Variants in MALRD1 observed in about 807,000 individuals in gnomAD.
MALRD1 encodes MAM and LDL receptor class A domain containing 1, also known as MAM and LDL-receptor class A domain-containing protein 1.
Under a neutral mutation model 242.1 loss-of-function variants are expected in MALRD1, and 247 were observed. That is an observed-to-expected ratio of 1.02 (90% CI 0.92 to 1.13). MALRD1 has a LOEUF of 1.13. Ranked by LOEUF, MALRD1 falls within the 50% of genes most tolerant of loss-of-function variation. The probability of loss-of-function intolerance (pLI) is 0.00; values close to 1 mark genes in which losing one functional copy is unlikely to be tolerated. For synonymous variants in MALRD1, 995 were observed against 866.6 expected, an observed-to-expected ratio of 1.15 and a Z score of -2.60; for missense variants, 2,989 against 2,533.1, an observed-to-expected ratio of 1.18 and a Z score of -3.86.
chr10:19,719,201 T>TATATACACAC (rs1564567226), intron 38 of MALRD1, among the ~76,000 whole-genome samples: 2 of 95,900 alleles, frequency 2.1e-5, no homozygotes, highest in African/African-American at 1.0e-4. Context: ...CATACATATA[T>TATATACACAC]ATATATATAT....
At position 19,155,083 on chromosome 10, in the gene MALRD1, A is replaced by C. The variant is rs577003982; in HGVS notation, c.1567A>C (p.Ile523Leu). Residue 523 changes from isoleucine (I) to leucine (L), a missense_variant, in exon 12 of 40, where the codon ATT becomes CTT. By Grantham distance (5) the Ile-to-Leu change is conservative. Transcript: ENST00000454679. ...HTANINHGSF[I>L]YLEAQRSPGV... ...TCCCTTTGTTTTTTCAGGATCGTTT[A>C]TTTATTTGGAGGCACAGCGCTCCCC... is the stretch of plus-strand genomic sequence containing the variant. The C allele has an allele frequency of 1.2e-4, 142 of 1,231,382 alleles. No individual in the cohort carries two copies. In the African/African-American group the frequency reaches 1.7e-3, roughly 15 times the overall value. 76.3% of individuals were successfully genotyped at this position (1,231,382 alleles called of 1,614,324 possible). A position where few individuals can be genotyped will look rare whatever the true frequency, so the allele number is the denominator to read the frequency against.
intron 18 of MALRD1, among the ~76,000 whole-genome samples, chr10:19,237,853 TTA>T (rs1195034389): frequency 3.1e-5 from 4 of 127,100 alleles, no homozygotes; most frequent in Non-Finnish European, 6.2e-5. Flanking sequence ...AATTATATAG[TTA>T]TATATAATTA....
intron 18 of MALRD1, among the ~76,000 whole-genome samples, chr10:19,251,445 C>T (rs1451364445): frequency 5.9e-5 from 9 of 151,918 alleles, no homozygotes; most frequent in Admixed American, 5.9e-4. Flanking sequence ...TATTCCTCTC[C>T]TATGGTGTGA....
intron 29 of MALRD1, among the ~76,000 whole-genome samples, chr10:19,476,960 A>G (rs543872382): frequency 6.6e-6 from 1 of 152,136 alleles, no homozygotes; most frequent in East Asian, 1.9e-4. Context: ...GAAAAACACT[A>G]ATGTTTTCAT....
intron 12 of MALRD1, among the ~76,000 whole-genome samples, chr10:19,155,565 A>G (rs1475305083): frequency 1.3e-5 from 2 of 152,226 alleles, no homozygotes; most frequent in Non-Finnish European, 2.9e-5. Context: ...AGTTTTTTAA[A>G]TGAGTCCTCT....
chr10:19,578,532 A>G (rs1836942602), intron 33 of MALRD1, among the ~76,000 whole-genome samples: 1 of 152,138 alleles, frequency 6.6e-6, no homozygotes, highest in Non-Finnish European at 1.5e-5. Context: ...TCTCTACTAA[A>G]AATACAAAAA....
At chr10:19,628,416 G>A (rs921953095) in intron 36 of MALRD1, among the ~76,000 whole-genome samples, 1 of 152,132 alleles carries the variant, frequency 6.6e-6, no homozygotes, top group Non-Finnish European at 1.5e-5. Flanking sequence ...TCCAAATAGT[G>A]TCATGGAATA....
chr10:19,387,899 A>G, intron 27 of MALRD1, 126 bp downstream of exon 27: 1 of 1,210,388 alleles, frequency 8.3e-7, no homozygotes, highest in African/African-American at 1.5e-5. Context: ...GCGATCAAAC[A>G]TTTAGTGAGT....
At chr10:19,528,522 G>A (rs1482332924) in intron 31 of MALRD1, among the ~76,000 whole-genome samples, 1 of 152,108 alleles carries the variant, frequency 6.6e-6, no homozygotes, top group African/African-American at 2.4e-5. Flanking sequence ...GAACCCGGGA[G>A]GCAGAGGTTG....
intron 36 of MALRD1, among the ~76,000 whole-genome samples, chr10:19,625,778 G>A (rs551315394): frequency 5.3e-5 from 8 of 152,222 alleles, no homozygotes; most frequent in African/African-American, 1.9e-4. Context: ...GTGTATCTAA[G>A]TGGGAGCCAC....
At chr10:19,648,081 G>T (rs1840725088) in intron 36 of MALRD1, among the ~76,000 whole-genome samples, 1 of 152,156 alleles carries the variant, frequency 6.6e-6, no homozygotes, top group African/African-American at 2.4e-5. Context: ...GCAGAAGAGA[G>T]GCCTAGAAGA....
intron 1 of MALRD1, among the ~76,000 whole-genome samples, chr10:19,061,907 A>C (rs1834833639): frequency 6.6e-6 from 1 of 152,224 alleles, no homozygotes; most frequent in South Asian, 2.1e-4. Flanking sequence ...CAGCACAGGC[A>C]ACAAAACAGA....
chr10:19,586,515 G>C (rs1338056152), intron 33 of MALRD1, among the ~76,000 whole-genome samples: 1 of 152,152 alleles, frequency 6.6e-6, no homozygotes, highest in Non-Finnish European at 1.5e-5. Context: ...CTTGCTGGTG[G>C]GTCCCTCCCA....
In MALRD1 at chr10:19,153,059, C is replaced by G. The variant is rs750454138; in HGVS notation, c.1559-2016C>G. The stretch of plus-strand genomic sequence containing the variant: ...GACTTGAAATTGTTCACTGGTTTTT[C>G]ATAGTCTTTTCAACATTTAGATAGG... On this transcript the variant is annotated intron_variant, in intron 11 of 39. Transcript: ENST00000454679. Among the ~76,000 whole-genome samples the G allele has an allele frequency of 1.7e-4, 26 of 151,974 alleles. 1 individual carries two copies. The highest frequency in any genetic ancestry group is 1.6e-3 in the Admixed American group (25 of 15,266).
chr10:19,560,468 G>A (rs951968875), intron 32 of MALRD1, among the ~76,000 whole-genome samples: 1 of 151,766 alleles, frequency 6.6e-6, no homozygotes, highest in African/African-American at 2.4e-5. Context: ...GACTCCATCT[G>A]AAAAAATAAA....
intron 38 of MALRD1, chr10:19,728,676 T>C (rs1487713688): frequency 6.6e-6 from 1 of 152,188 alleles, no homozygotes; most frequent in African/African-American, 2.4e-5. Context: ...TCAGTGTCTG[T>C]CTTATCTTTA....
At chr10:19,491,779 A>G in intron 30 of MALRD1, 134 bp downstream of exon 30, 9 of 940,928 alleles carry the variant, frequency 9.6e-6, no homozygotes, top group Non-Finnish European at 1.4e-5. Context: ...AATAGCCCAA[A>G]TATTTCCCCA....
At chr10:19,285,149 TTAGCCCTTTGTCAGATGAG>T (rs1229022000) in intron 21 of MALRD1, among the ~76,000 whole-genome samples, 2 of 142,890 alleles carry the variant, frequency 1.4e-5, no homozygotes, top group Non-Finnish European at 3.0e-5. Flanking sequence ...ATTCTGGATA[TTAGCCCTTTGTCAGATGAG>T]TAGGTTGCGA....
At chr10:19,357,621 A>G (rs1194802920) in intron 26 of MALRD1, among the ~76,000 whole-genome samples, 1 of 152,184 alleles carries the variant, frequency 6.6e-6, no homozygotes, top group Non-Finnish European at 1.5e-5. Context: ...TCTCATGAGT[A>G]GTGTATGTGT....
Sources: gnomAD v4.1 joint callset for allele counts (sites outside exome capture counted in the v4.1 genomes callset) on GRCh38, gnomAD v4.1.1 for gene constraint, MANE v1.5 for transcripts, NCBI Gene and HGNC (gene_info 2026-07-23, HGNC 2026-07-21) for gene names.